The following TTC28 variants were observed in gnomAD, a reference collection of about 807,000 sequenced individuals.
The protein encoded by TTC28 is tetratricopeptide repeat protein 28.
TTC28 carries 61 observed loss-of-function variants against 198.0 expected under a neutral mutation model. That is an observed-to-expected ratio of 0.31 (90% confidence interval 0.25 to 0.38). The LOEUF (loss-of-function observed/expected upper bound fraction) is 0.38. Among genes scored for constraint, TTC28 ranks in the 10% least tolerant of loss-of-function variants. The pLI is 1.00. For missense variants in TTC28, 2,678 were observed against 3,164.0 expected (o/e 0.85, Z 3.69); for synonymous variants, 1,171 against 1,297.8 (o/e 0.90, Z 2.10).
chr22:28,588,019 G>A (rs1024920108), intron 2 of TTC28, among the ~76,000 whole-genome samples: 14 of 151,746 alleles, frequency 9.2e-5, no homozygotes, highest in Non-Finnish European at 1.6e-4. Flanking sequence ...GCAGGCGCCT[G>A]TAGTCCCAGC....
chr22:28,204,218 T>A (rs1378431269), intron 5 of TTC28, among the ~76,000 whole-genome samples: 1 of 152,144 alleles, frequency 6.6e-6, no homozygotes, highest in Non-Finnish European at 1.5e-5. Flanking sequence ...CATCCCACTC[T>A]CTTCTCTTCT....
intron 2 of TTC28, among the ~76,000 whole-genome samples, chr22:28,318,742 C>G (rs1161563262): frequency 6.6e-6 from 1 of 151,398 alleles, no homozygotes; most frequent in Non-Finnish European, 1.5e-5. Context: ...ACACGGTACC[C>G]TACACACATG....
chr22:28,579,424 CTA>C, intron 2 of TTC28, among the ~76,000 whole-genome samples: 1 of 148,054 alleles, frequency 6.8e-6, no homozygotes, highest in Non-Finnish European at 1.5e-5. Flanking sequence ...ATATGTATAG[CTA>C]TATATAGTGT....
At chr22:28,340,009 G>C (rs761115466) in intron 2 of TTC28, among the ~76,000 whole-genome samples, 5 of 152,096 alleles carry the variant, frequency 3.3e-5, no homozygotes, top group Non-Finnish European at 5.9e-5. Context: ...GACTGGAGCT[G>C]TTCCTATTCG....
chr22:28,295,604 C>T (rs1459515747), intron 5 of TTC28, among the ~76,000 whole-genome samples: 2 of 152,186 alleles, frequency 1.3e-5, no homozygotes, highest in Non-Finnish European at 2.9e-5. Flanking sequence ...GGATTTAAAT[C>T]TGGGCCTATC....
chr22:28,641,347 T>G (rs2051362734), intron 1 of TTC28, among the ~76,000 whole-genome samples: 1 of 151,500 alleles, frequency 6.6e-6, no homozygotes, highest in African/African-American at 2.4e-5. Context: ...AAGAAATGAA[T>G]AAAACACACA....
chr22:28,560,053 A>T (rs1194614664), intron 2 of TTC28, among the ~76,000 whole-genome samples: 2 of 152,134 alleles, frequency 1.3e-5, no homozygotes, highest in Non-Finnish European at 2.9e-5. Context: ...CAAAAAAAGA[A>T]TTTCTCCTTC....
chr22:28,096,521 A>C, intron 10 of TTC28, 113 bp from the exon 11 acceptor site: 1 of 1,079,806 alleles, frequency 9.3e-7, no homozygotes, highest in Non-Finnish European at 1.3e-6. Context: ...TCTACTCTCC[A>C]ATATGTGACA....
intron 5 of TTC28, among the ~76,000 whole-genome samples, chr22:28,230,748 A>G (rs533018754): frequency 3.4e-4 from 52 of 152,290 alleles, no homozygotes; most frequent in African/African-American, 1.3e-3. Flanking sequence ...GTTGAACCAA[A>G]ATTTTTTCTG....
At chr22:28,415,924 T>C (rs541488159) in intron 2 of TTC28, among the ~76,000 whole-genome samples, 2 of 152,302 alleles carry the variant, frequency 1.3e-5, no homozygotes, top group Admixed American at 1.3e-4. Flanking sequence ...ATACTAAATG[T>C]ATACGTTTTC....
intron 1 of TTC28, among the ~76,000 whole-genome samples, chr22:28,662,319 T>C (rs2051761911): frequency 6.6e-6 from 1 of 152,146 alleles, no homozygotes; most frequent in African/African-American, 2.4e-5. Flanking sequence ...TGATCACTAT[T>C]TGCTTAGTGA....
chr22:28,067,871 A>T (rs780710258), intron 12 of TTC28, among the ~76,000 whole-genome samples: 1 of 152,200 alleles, frequency 6.6e-6, no homozygotes, highest in Non-Finnish European at 1.5e-5. Flanking sequence ...CCTCTTTGCT[A>T]CCTGCTTCTT....
Position 28,212,424 on chromosome 22 carries a change from A to G in TTC28, c.934-48825T>C, listed in dbSNP as rs891093710. On this transcript the variant is annotated intron_variant, in intron 5 of 22. Transcript: ENST00000397906. ...AAGAGAGAAGAGTCAAATAGATGCA[A>G]CAAAAAATAATAAAGGGGATATCAC... Among the ~76,000 whole-genome samples, 11 of 134,256 alleles carry G rather than the reference A, an allele frequency of 8.2e-5. 1 individual carries two copies. The highest frequency in any genetic ancestry group is 4.4e-4 in the Admixed American group (5 of 11,296). 88.1% of individuals were successfully genotyped at this position (134,256 alleles called of 152,430 possible).
chr22:28,591,168 G>A lies in TTC28; in HGVS notation c.381+38384C>T, dbSNP rs187441727. 5.8e-3 allele frequency among the ~76,000 whole-genome samples: 853 copies of A among 148,158 alleles called. 11 individuals carry two copies. Among genetic ancestry groups the A allele is most frequent in the Middle Eastern group, 0.05 (14 of 282 alleles). On this transcript the variant is annotated intron_variant, in intron 2 of 22. Coordinates refer to ENST00000397906, the MANE Select transcript of TTC28 (RefSeq NM_001145418.2). Reference sequence around the variant, plus strand: ...CTGTCACCTAGGCTAGAGTACAGTGGAGTGACCATGGCTCACTGCACCCTT... The same window carrying A: ...CTGTCACCTAGGCTAGAGTACAGTGAAGTGACCATGGCTCACTGCACCCTT...
chr22:28,272,212 A>G (rs1391342507), intron 5 of TTC28, among the ~76,000 whole-genome samples: 1 of 152,212 alleles, frequency 6.6e-6, no homozygotes, highest in Non-Finnish European at 1.5e-5. Context: ...CCAAAATTTG[A>G]TAATGTTAGC....
chr22:28,107,604 T>C lies in TTC28; in HGVS notation c.2241A>G (p.Val747=). The change falls in exon 7 of 23, where the codon GTA becomes GTG. Residue 747 remains valine, a synonymous_variant. Coordinates refer to ENST00000397906, the MANE Select transcript of TTC28 (RefSeq NM_001145418.2). ...YEQQLGLAHQ[V]KDRRLEASAY... ...CACTGGCTTCTAATCTTCTGTCCTT[T>C]ACCTGGTGAGCTAAGCCCAGTTGCT... 1 of 1,551,794 alleles carries C rather than the reference T, an allele frequency of 6.4e-7. No homozygotes were observed. The highest frequency in any genetic ancestry group is 8.7e-7 in the Non-Finnish European group (1 of 1,147,014).
intron 2 of TTC28, among the ~76,000 whole-genome samples, chr22:28,391,593 C>A (rs1160670822): frequency 6.6e-6 from 1 of 152,138 alleles, no homozygotes; most frequent in Non-Finnish European, 1.5e-5. Context: ...TCATTCACTT[C>A]ATCTTCCATC....
intron 1 of TTC28, among the ~76,000 whole-genome samples, chr22:28,644,176 G>T (rs1392275766): frequency 1.3e-5 from 2 of 150,212 alleles, no homozygotes; most frequent in African/African-American, 4.9e-5. Flanking sequence ...GAGGCAGGCG[G>T]ATCACGAGGT....
intron 2 of TTC28, among the ~76,000 whole-genome samples, chr22:28,461,689 A>G (rs1455176778): frequency 1.3e-5 from 2 of 152,114 alleles, no homozygotes; most frequent in African/African-American, 4.8e-5. Flanking sequence ...TTGGCCTCCC[A>G]AAGTGCTGGG....
Sources: gnomAD v4.1 joint callset for allele counts (sites outside exome capture counted in the v4.1 genomes callset) on GRCh38, gnomAD v4.1.1 for gene constraint, MANE v1.5 for transcripts, NCBI Gene and HGNC (gene_info 2026-07-23, HGNC 2026-07-21) for gene names.